Variants in SNX14 observed in about 807,000 individuals in gnomAD.
SNX14 encodes the protein sorting nexin-14.
SNX14 carries 93 observed loss-of-function variants against 133.8 expected under a neutral mutation model. The ratio of observed to expected loss-of-function variants is 0.70; its 90% CI spans 0.59 to 0.83. The LOEUF (loss-of-function observed/expected upper bound fraction) is 0.83. SNX14 is among the 40% of genes least tolerant of loss of function. The pLI is 0.00. For missense variants in SNX14, 945 were observed against 1,094.9 expected, an observed-to-expected ratio of 0.86 and a Z score of 1.93; for synonymous variants, 368 against 365.6, an observed-to-expected ratio of 1.01 and a Z score of -0.07.
chr6:85,547,813 A>G (rs541263192), intron 9 of SNX14, among the ~76,000 whole-genome samples: 63 of 152,330 alleles, frequency 4.1e-4, no homozygotes, highest in African/African-American at 1.5e-3. Context: ...TGTTTCTTCA[A>G]AATCTCACTG....
At chr6:85,520,029 G>A (rs1776330983) in intron 21 of SNX14, among the ~76,000 whole-genome samples, 1 of 151,792 alleles carries the variant, frequency 6.6e-6, no homozygotes, top group Non-Finnish European at 1.5e-5. Flanking sequence ...AGTAGTAGTA[G>A]TAGTAGTAGT....
chr6:85,505,765 C>A lies in SNX14; in HGVS notation c.*202G>T. On this transcript the variant is annotated 3_prime_UTR_variant, in exon 29 of 29. Coordinates refer to ENST00000314673, the MANE Select transcript of SNX14 (RefSeq NM_153816.6). ...ACTTATGTTCTAATAAAATTTGGAT[C>A]ACAGCTAGCAAATGAAAGACTATGA... 3.7e-6 allele frequency: 2 copies of A among 533,662 alleles called. No individual in the cohort carries two copies. Among genetic ancestry groups the A allele is most frequent in the Non-Finnish European group, 3.3e-6 (1 of 305,806 alleles). The allele number at this position is 533,662 out of a possible 1,614,324, so 33.1% of individuals were successfully genotyped here.
chr6:85,592,254 A>G (rs1304577909), intron 1 of SNX14, among the ~76,000 whole-genome samples: 1 of 152,202 alleles, frequency 6.6e-6, no homozygotes, highest in Non-Finnish European at 1.5e-5. Context: ...AGAATCAACA[A>G]GAAAGCAAGG....
intron 5 of SNX14, among the ~76,000 whole-genome samples, chr6:85,567,227 C>T (rs1794169085): frequency 6.6e-6 from 1 of 152,210 alleles, no homozygotes; most frequent in Non-Finnish European, 1.5e-5. Context: ...CTGATGCCTA[C>T]ATCAGTGGTT....
At chr6:85,550,118 C>T (rs530672245) in intron 7 of SNX14, among the ~76,000 whole-genome samples, 8 of 152,242 alleles carry the variant, frequency 5.3e-5, no homozygotes, top group Non-Finnish European at 8.8e-5. Context: ...TGGGGGCACA[C>T]GACTGTAGTC....
At chr6:85,568,819 A>C (rs2128181365) in intron 4 of SNX14, among the ~76,000 whole-genome samples, 1 of 152,338 alleles carries the variant, frequency 6.6e-6, no homozygotes, top group East Asian at 1.9e-4. Flanking sequence ...GGAAATGAAA[A>C]TACATATAAA....
rs530885056 is a variant in SNX14 at position 85,593,825 on chromosome 6, G to C, written c.-107C>G. 3.2e-6 allele frequency: 5 copies of C among 1,555,250 alleles called. No homozygotes were observed. In the African/African-American group the frequency reaches 5.5e-5, roughly 17 times the overall value. ...CCCCACCGACTTGGCGGCGCACACA[G>C]ACGCCTACCGGCAGTTAGCCGCCGC... On this transcript the variant is annotated 5_prime_UTR_variant, in exon 1 of 29. Coordinates refer to ENST00000314673, the MANE Select transcript of SNX14 (RefSeq NM_153816.6).
chr6:85,517,419 T>C (rs1371096339), intron 23 of SNX14: 1 of 163,200 alleles, frequency 6.1e-6, no homozygotes, highest in African/African-American at 2.4e-5. Flanking sequence ...AGTTAGGTAA[T>C]GCCATCCAAT....
chr6:85,578,874 G>A (rs112167047), intron 1 of SNX14, among the ~76,000 whole-genome samples: 1,919 of 152,204 alleles, frequency 0.013, 37 homozygotes, highest in African/African-American at 0.044. Context: ...AGTGGGTCAC[G>A]CCTGTAATCT....
chr6:85,545,840 C>A (rs973624944), intron 12 of SNX14, among the ~76,000 whole-genome samples: 5 of 152,134 alleles, frequency 3.3e-5, no homozygotes, highest in African/African-American at 2.4e-5. Context: ...TGAGCCAACA[C>A]GCCCAGCTAA....
intron 7 of SNX14, among the ~76,000 whole-genome samples, chr6:85,551,196 G>T (rs745479832): frequency 1.4e-4 from 21 of 152,142 alleles, no homozygotes; most frequent in Non-Finnish European, 2.6e-4. Context: ...CTGAGAAACT[G>T]AAATTTAAAA....
intron 6 of SNX14, among the ~76,000 whole-genome samples, chr6:85,563,485 A>G (rs969144678): frequency 6.6e-6 from 1 of 152,152 alleles, no homozygotes; most frequent in Non-Finnish European, 1.5e-5. Context: ...TCCACCTCCC[A>G]GGTTAAAGCA....
At chr6:85,562,368 T>A (rs1791929618) in intron 6 of SNX14, among the ~76,000 whole-genome samples, 1 of 152,160 alleles carries the variant, frequency 6.6e-6, no homozygotes, top group Non-Finnish European at 1.5e-5. Flanking sequence ...ACCAGCAGCA[T>A]ATGAGCATCC....
chr6:85,572,057 AT>A, intron 4 of SNX14, 79 bp downstream of exon 4: 2 of 1,227,128 alleles, frequency 1.6e-6, no homozygotes, highest in Non-Finnish European at 2.3e-6. Flanking sequence ...CCATGATTAA[AT>A]TTTTTGATTA....
At chr6:85,552,597 A>G (rs1562312800) in intron 7 of SNX14, among the ~76,000 whole-genome samples, 1 of 152,342 alleles carries the variant, frequency 6.6e-6, no homozygotes, top group East Asian at 1.9e-4. Context: ...ATAATAACAT[A>G]AACAATTGCC....
rs1272107064 is a variant in SNX14, at chr6:85,517,484, T to C, written c.2268+272A>G. On this transcript the variant is annotated intron_variant, in intron 23 of 28. Coordinates refer to ENST00000314673, the MANE Select transcript of SNX14 (RefSeq NM_153816.6). ...CTTATTATTGAAAGTTGGTGACATA[T>C]AACCTAAGAAAACCACTTTTAAAAA... The C allele has an allele frequency of 2.0e-5, 5 of 246,684 alleles. 1 individual carries two copies. The highest frequency in any genetic ancestry group is 4.5e-5 in the African/African-American group (2 of 44,808). 15.3% of individuals were successfully genotyped at this position (246,684 alleles called of 1,614,324 possible).
intron 7 of SNX14, among the ~76,000 whole-genome samples, chr6:85,556,066 G>A (rs1789657318): frequency 6.6e-6 from 1 of 151,872 alleles, no homozygotes; most frequent in Admixed American, 6.6e-5. Context: ...TTGGTACATT[G>A]ATTATAACAA....
chr6:85,530,811 T>C (rs1780047902), intron 18 of SNX14, among the ~76,000 whole-genome samples: 2 of 152,200 alleles, frequency 1.3e-5, no homozygotes, highest in Admixed American at 1.3e-4. Context: ...TTATCTCAAA[T>C]ATACTTTTTC....
chr6:85,523,738 CT>C (rs1165738564), intron 21 of SNX14, among the ~76,000 whole-genome samples: 1 of 151,956 alleles, frequency 6.6e-6, no homozygotes, highest in African/African-American at 2.4e-5. Flanking sequence ...GCACTCCAGC[CT>C]GGGTGACAGA....
Sources: gnomAD v4.1 joint callset for allele counts (sites outside exome capture counted in the v4.1 genomes callset) on GRCh38, gnomAD v4.1.1 for gene constraint, MANE v1.5 for transcripts, NCBI Gene and HGNC (gene_info 2026-07-23, HGNC 2026-07-21) for gene names.